The following DLGAP1 variants were observed in gnomAD, a reference collection of about 807,000 sequenced individuals.
The protein encoded by DLGAP1 is disks large-associated protein 1.
A neutral mutation model predicts 90.8 loss-of-function variants in DLGAP1; 11 were observed. That is an observed-to-expected ratio of 0.12 (90% confidence interval 0.08 to 0.20). DLGAP1 has a LOEUF of 0.20. Among genes scored for constraint, DLGAP1 ranks in the 10% least tolerant of loss-of-function variants. The pLI, the probability that DLGAP1 is intolerant of heterozygous loss-of-function variation, is 1.00. For missense variants in DLGAP1, 1,050 were observed against 1,333.8 expected (o/e 0.79, Z 3.31); for synonymous variants, 558 against 540.7 (o/e 1.03, Z -0.44).
chr18:4,382,071 T>C (rs1397513099), intron 1 of DLGAP1, among the ~76,000 whole-genome samples: 4 of 152,094 alleles, frequency 2.6e-5, no homozygotes, highest in African/African-American at 9.7e-5. Flanking sequence ...TATTTCCCAC[T>C]AGGTCCCTCC....
At chr18:4,200,923 C>T (rs1272427189) in intron 1 of DLGAP1, among the ~76,000 whole-genome samples, 3 of 152,030 alleles carry the variant, frequency 2.0e-5, no homozygotes, top group Non-Finnish European at 4.4e-5. Context: ...ATCTTGTAGG[C>T]CTTCGACAAA....
intron 5 of DLGAP1, among the ~76,000 whole-genome samples, chr18:3,772,340 CTCTCTCTCTTTCT>C (rs2064651893): frequency 5.8e-5 from 3 of 51,290 alleles, no homozygotes; most frequent in African/African-American, 2.4e-4. Flanking sequence ...CCTTCTCTCT[CTCTCTCTCTTTCT>C]TTCTTTCTTT....
chr18:4,203,388 C>A (rs1036322474), intron 1 of DLGAP1, among the ~76,000 whole-genome samples: 7 of 151,902 alleles, frequency 4.6e-5, no homozygotes, highest in Non-Finnish European at 8.8e-5. Flanking sequence ...TTTCTAAGGG[C>A]CCACATTTGT....
intron 1 of DLGAP1, among the ~76,000 whole-genome samples, chr18:4,309,467 T>TG (rs2143427620): frequency 6.6e-6 from 1 of 152,172 alleles, no homozygotes; most frequent in Admixed American, 6.5e-5. Flanking sequence ...GGGGCATGGA[T>TG]GAGGAGGTCA....
chr18:4,069,633 C>G (rs986546713), intron 2 of DLGAP1, among the ~76,000 whole-genome samples: 5 of 152,322 alleles, frequency 3.3e-5, no homozygotes, highest in Admixed American at 2.6e-4. Context: ...TGCCCACTGC[C>G]TCTTCACCTT....
intron 5 of DLGAP1, among the ~76,000 whole-genome samples, chr18:3,782,451 A>C (rs1447205780): frequency 6.6e-6 from 1 of 152,222 alleles, no homozygotes; most frequent in Non-Finnish European, 1.5e-5. Flanking sequence ...TCCAAGATTT[A>C]AAGTATGAAG....
chr18:4,060,848 C>T (rs892747093), intron 2 of DLGAP1, among the ~76,000 whole-genome samples: 4 of 151,936 alleles, frequency 2.6e-5, no homozygotes, highest in African/African-American at 9.7e-5. Context: ...TCAGAAAGTC[C>T]AAGCATGTTG....
intron 1 of DLGAP1, among the ~76,000 whole-genome samples, chr18:4,329,401 A>G (rs2080898350): frequency 6.6e-6 from 1 of 152,010 alleles, no homozygotes; most frequent in South Asian, 2.1e-4. Flanking sequence ...TTAGCAGTAG[A>G]GTATGACTTG....
intron 6 of DLGAP1, among the ~76,000 whole-genome samples, chr18:3,741,753 T>C (rs1265283087): frequency 6.6e-6 from 1 of 152,236 alleles, no homozygotes; most frequent in African/African-American, 2.4e-5. Context: ...CTCTCCAATC[T>C]TTCCTATGTT....
intron 8 of DLGAP1, 92 bp downstream of exon 8, chr18:3,581,783 C>T (rs1047538668): frequency 3.2e-5 from 49 of 1,520,426 alleles, no homozygotes; most frequent in African/African-American, 1.9e-4. Flanking sequence ...TGATTCCAAG[C>T]GGCAAGAAAG....
chr18:4,347,117 T>C (rs1421330458), intron 1 of DLGAP1, among the ~76,000 whole-genome samples: 2 of 152,094 alleles, frequency 1.3e-5, no homozygotes, highest in Non-Finnish European at 2.9e-5. Flanking sequence ...GACACAGTTT[T>C]CCAGAGAATC....
At chr18:3,516,343 G>T (rs112384382) in intron 10 of DLGAP1, among the ~76,000 whole-genome samples, 2,509 of 152,086 alleles carry the variant, frequency 0.016, 65 homozygotes, top group African/African-American at 0.057. Context: ...ATGGAGAATG[G>T]GGTATCCATC....
chr18:4,335,515 C>A (rs1401658095), intron 1 of DLGAP1, among the ~76,000 whole-genome samples: 5 of 151,004 alleles, frequency 3.3e-5, no homozygotes, highest in African/African-American at 7.4e-5. Flanking sequence ...TTTAGGTTGA[C>A]CGGTCATTGA....
chr18:4,010,745 T>C (rs1389482545), intron 2 of DLGAP1, among the ~76,000 whole-genome samples: 2 of 152,144 alleles, frequency 1.3e-5, no homozygotes, highest in Non-Finnish European at 2.9e-5. Context: ...GAGGTGGGGA[T>C]GCTACTACTT....
At chr18:3,764,159 AAG>A (rs2064107456) in intron 5 of DLGAP1, among the ~76,000 whole-genome samples, 1 of 152,212 alleles carries the variant, frequency 6.6e-6, no homozygotes, top group Non-Finnish European at 1.5e-5. Flanking sequence ...AACAATTACG[AAG>A]TATTATTATA....
chr18:4,354,525 T>C (rs2081465411), intron 1 of DLGAP1, among the ~76,000 whole-genome samples: 1 of 152,182 alleles, frequency 6.6e-6, no homozygotes, highest in African/African-American at 2.4e-5. Flanking sequence ...CAGCTTTCCT[T>C]AAGTCTTTGC....
intron 5 of DLGAP1, among the ~76,000 whole-genome samples, chr18:3,796,839 G>A (rs768860680): frequency 4.6e-5 from 7 of 152,184 alleles, no homozygotes; most frequent in South Asian, 2.1e-4. Flanking sequence ...GGTGCATCAC[G>A]ACCCTTCCAT....
intron 4 of DLGAP1, among the ~76,000 whole-genome samples, chr18:3,836,379 T>C (rs2068379821): frequency 6.6e-6 from 1 of 152,240 alleles, no homozygotes; most frequent in African/African-American, 2.4e-5. Flanking sequence ...GAGGTCTGTG[T>C]GAGGGCATGG....
At chr18:4,192,104 A>G (rs1568443105) in intron 1 of DLGAP1, among the ~76,000 whole-genome samples, 1 of 152,182 alleles carries the variant, frequency 6.6e-6, no homozygotes, top group Non-Finnish European at 1.5e-5. Flanking sequence ...TTGGTGTGGC[A>G]CATCCTTTTT....
Sources: allele counts gnomAD v4.1 joint callset (sites outside exome capture counted in the v4.1 genomes callset), GRCh38; gene constraint gnomAD v4.1.1; transcripts MANE v1.5; gene names NCBI Gene and HGNC (gene_info 2026-07-23, HGNC 2026-07-21).